The following DAAM2 variants were observed in gnomAD, a reference collection of about 807,000 sequenced individuals.
DAAM2 encodes disheveled-associated activator of morphogenesis 2.
DAAM2 carries 39 observed loss-of-function variants against 120.7 expected under a neutral mutation model. The observed-to-expected ratio is 0.32, with a 90% CI of 0.25 to 0.42. The LOEUF (loss-of-function observed/expected upper bound fraction) is 0.42, where lower values mean the gene tolerates loss of function less well. Ranked by LOEUF, DAAM2 falls within the 10% of genes least tolerant of loss-of-function variation. The probability of loss-of-function intolerance (pLI) is 1.00; values close to 1 mark genes in which losing one functional copy is unlikely to be tolerated. For missense variants in DAAM2, 1,283 were observed against 1,401.7 expected, an observed-to-expected ratio of 0.92 and a Z score of 1.35; for synonymous variants, 488 against 524.9, an observed-to-expected ratio of 0.93 and a Z score of 0.96.
intron 1 of DAAM2, among the ~76,000 whole-genome samples, chr6:39,794,788 A>G (rs1432796397): frequency 1.3e-5 from 2 of 152,218 alleles, no homozygotes; most frequent in Non-Finnish European, 2.9e-5. Flanking sequence ...AGAGATAATG[A>G]AAGATGAGGC....
intron 1 of DAAM2, among the ~76,000 whole-genome samples, chr6:39,842,558 G>A (rs1029773473): frequency 2.7e-4 from 41 of 152,186 alleles, no homozygotes; most frequent in Admixed American, 1.8e-3. Context: ...GCTTGAACCC[G>A]GGAGGCGGAG....
Position 39,901,550 on chromosome 6 carries a change from GGGA to G in DAAM2, c.2982+84_2982+86del. On this transcript the variant is annotated intron_variant, in intron 24 of 24. Transcript: ENST00000274867. This position sits in a 1 kb window ranked among gnomAD's most constrained non-coding sequence, Gnocchi z 4.5. ...AGAACACCCCCAAACTGGGGTGTGT[GGGA>G]GGAGGGCAGAGACTGAGGAACTGAG... The G allele has an allele frequency of 2.7e-6, 4 of 1,480,146 alleles. No homozygotes were observed. The highest frequency in any genetic ancestry group is 3.6e-6 in the Non-Finnish European group (4 of 1,097,872). 91.7% of individuals were successfully genotyped at this position (1,480,146 alleles called of 1,614,324 possible).
At chr6:39,803,324 C>A (rs1458821004) in intron 1 of DAAM2, among the ~76,000 whole-genome samples, 1 of 152,196 alleles carries the variant, frequency 6.6e-6, no homozygotes, top group Non-Finnish European at 1.5e-5. Context: ...TGTTCCAACT[C>A]AATAGTGCAG....
At chr6:39,838,292 C>T (rs924600756) in intron 1 of DAAM2, among the ~76,000 whole-genome samples, 2 of 152,134 alleles carry the variant, frequency 1.3e-5, no homozygotes, top group Non-Finnish European at 2.9e-5. Context: ...AGGTGCATGG[C>T]CCATAGAAGA....
chr6:39,860,928 G>T lies in DAAM2; in HGVS notation c.169G>T (p.Asp57Tyr). ...ELNIRFAELVDELDLTDKNRE... is the reference protein window; with the variant it reads ...ELNIRFAELVYELDLTDKNRE... ...GTATTTTTTCTTATTGTCTTTGCAG[G>T]ATGAATTGGATCTCACTGACAAAAA... Residue 57 changes from aspartate to tyrosine, a missense_variant and splice_region_variant, in exon 3 of 25, where the codon GAT (aspartate) becomes TAT (tyrosine). By Grantham distance (160) the Asp-to-Tyr change is radical. Transcript: ENST00000274867. 6.2e-7 allele frequency: 1 copy of T among 1,612,060 alleles called. No homozygotes were observed. The highest frequency in any genetic ancestry group is 8.5e-7 in the Non-Finnish European group (1 of 1,178,984).
In DAAM2 at chr6:39,904,768, A is replaced by G. The variant is rs369466260; in HGVS notation, c.*2731A>G. On this transcript the variant is annotated 3_prime_UTR_variant, in exon 25 of 25. Coordinates refer to ENST00000274867, the MANE Select transcript of DAAM2 (RefSeq NM_001201427.2). ...CACCAGCTGCCTCAGATGACAAATG[A>G]GGCTAATGGACATAATCTACAGTGT... 6 of 454,134 alleles carry G rather than the reference A, an allele frequency of 1.3e-5. No homozygotes were observed. Among genetic ancestry groups the G allele is most frequent in the South Asian group, 3.1e-5 (2 of 64,476 alleles). The allele number at this position is 454,134 out of a possible 1,614,324, so 28.1% of individuals were successfully genotyped here.
At chr6:39,890,192 C>T (rs939298939) in intron 17 of DAAM2, among the ~76,000 whole-genome samples, 6 of 152,060 alleles carry the variant, frequency 3.9e-5, no homozygotes, top group African/African-American at 1.4e-4. Flanking sequence ...TCATAAAGGT[C>T]TTCATCCTCA....
chr6:39,873,718 A>G (rs1283930594), intron 10 of DAAM2, among the ~76,000 whole-genome samples: 4 of 152,230 alleles, frequency 2.6e-5, no homozygotes, highest in Non-Finnish European at 5.9e-5. Context: ...GGAGTAGCAC[A>G]GATGTGGAAT....
chr6:39,893,344 G>A (rs559737768), intron 19 of DAAM2, among the ~76,000 whole-genome samples: 45 of 152,180 alleles, frequency 3.0e-4, no homozygotes, highest in Non-Finnish European at 5.9e-4. Flanking sequence ...GTGAAACCTC[G>A]TGTCTACTAA....
intron 14 of DAAM2, among the ~76,000 whole-genome samples, chr6:39,882,675 C>G (rs936745132): frequency 1.3e-5 from 2 of 150,942 alleles, no homozygotes; most frequent in African/African-American, 2.4e-5. Context: ...CTAGTCCCTT[C>G]CCCTATCCCA....
At chr6:39,815,319 C>T (rs1762275226) in intron 1 of DAAM2, among the ~76,000 whole-genome samples, 1 of 152,162 alleles carries the variant, frequency 6.6e-6, no homozygotes, top group African/African-American at 2.4e-5. Flanking sequence ...AGGTGACAAG[C>T]ATGGTGGCCC....
intron 8 of DAAM2, among the ~76,000 whole-genome samples, chr6:39,871,093 C>T (rs537178305): frequency 6.6e-5 from 10 of 152,244 alleles, no homozygotes; most frequent in Admixed American, 1.3e-4. Flanking sequence ...CTGATGTCCT[C>T]AACTGAGAGA....
At chr6:39,860,485 T>A (rs1764167202) in intron 2 of DAAM2, among the ~76,000 whole-genome samples, 1 of 152,176 alleles carries the variant, frequency 6.6e-6, no homozygotes, top group Non-Finnish European at 1.5e-5. Context: ...GGCAAGAATC[T>A]GAGAGAGGCA....
intron 14 of DAAM2, chr6:39,879,678 T>A (rs1765038408): frequency 1.5e-6 from 1 of 673,466 alleles, no homozygotes; most frequent in African/African-American, 1.8e-5. Context: ...GAGAGATGCT[T>A]GACATTGGGC....
chr6:39,898,997 A>C, intron 22 of DAAM2, 60 bp downstream of exon 22: 1 of 1,400,898 alleles, frequency 7.1e-7, no homozygotes, highest in Non-Finnish European at 1.0e-6. Context: ...ACTGTTCGTC[A>C]CTGCACCCTA....
chr6:39,798,962 T>C (rs1761781184), intron 1 of DAAM2, among the ~76,000 whole-genome samples: 1 of 152,164 alleles, frequency 6.6e-6, no homozygotes, highest in Non-Finnish European at 1.5e-5. Context: ...AATTGCATTG[T>C]AGAATCGACG....
Position 39,903,934 on chromosome 6 carries a change from G to C in DAAM2, c.*1897G>C, listed in dbSNP as rs1053451250. On this transcript the variant is annotated 3_prime_UTR_variant, in exon 25 of 25. Coordinates refer to ENST00000274867, the MANE Select transcript of DAAM2 (RefSeq NM_001201427.2). ...GGCTTCCAGGCAGAACAGCTGCAGAGAGTTTGGCTATATGCATCTGCAGCC... is the reference window on the plus strand; with the variant it reads ...GGCTTCCAGGCAGAACAGCTGCAGACAGTTTGGCTATATGCATCTGCAGCC... 5.9e-6 allele frequency: 2 copies of C among 340,372 alleles called. No individual in the cohort carries two copies. Among genetic ancestry groups the C allele is most frequent in the Non-Finnish European group, 1.1e-5 (2 of 175,144 alleles). The allele number at this position is 340,372 out of a possible 1,614,324, so 21.1% of individuals were successfully genotyped here.
At chr6:39,880,943 A>G (rs1765090089) in intron 14 of DAAM2, among the ~76,000 whole-genome samples, 1 of 152,234 alleles carries the variant, frequency 6.6e-6, no homozygotes, top group East Asian at 1.9e-4. Context: ...CGCTCTGCAG[A>G]ACGTGCAGAA....
At chr6:39,877,853 A>G (rs1284657066) in intron 11 of DAAM2, among the ~76,000 whole-genome samples, 1 of 152,218 alleles carries the variant, frequency 6.6e-6, no homozygotes, top group African/African-American at 2.4e-5. Flanking sequence ...AAGGAGGTGC[A>G]AGTCATGATA....
Sources: allele counts gnomAD v4.1 joint callset (sites outside exome capture counted in the v4.1 genomes callset), GRCh38; gene constraint gnomAD v4.1.1; non-coding constraint Gnocchi (gnomAD v3.1); transcripts MANE v1.5; gene names NCBI Gene and HGNC (gene_info 2026-07-23, HGNC 2026-07-21).